CORO1C: variants seen among roughly 807,000 people sequenced by gnomAD.
CORO1C encodes the protein coronin 1C, also known as coronin-1C.
CORO1C carries 14 observed loss-of-function variants against 51.2 expected under a neutral mutation model. The ratio of observed to expected loss-of-function variants is 0.27; its 90% CI spans 0.18 to 0.43. CORO1C has a LOEUF of 0.43. Among genes scored for constraint, CORO1C ranks in the 20% least tolerant of loss-of-function variants. The pLI is 1.00. For missense variants in CORO1C, 417 were observed against 607.8 expected (o/e 0.69, Z 3.30); for synonymous variants, 181 against 210.5 (o/e 0.86, Z 1.21).
Position 108,711,671 on chromosome 12 carries a change from C to A in CORO1C, c.-5-10348G>T, listed in dbSNP as rs1342963449. Among the ~76,000 whole-genome samples the A allele has an allele frequency of 8.8e-5, 13 of 147,150 alleles. 1 individual carries two copies. The highest frequency in any genetic ancestry group is 1.9e-4 in the Non-Finnish European group (13 of 66,982). On this transcript the variant is annotated intron_variant, in intron 1 of 10. Transcript: ENST00000261401. ...CTCCAGCTTGAGTGACAGAGCAAAACTCCGTCTCAAAAAAAAAAAAAAAAA... is the reference window on the plus strand; with the variant it reads ...CTCCAGCTTGAGTGACAGAGCAAAAATCCGTCTCAAAAAAAAAAAAAAAAA...
intron 1 of CORO1C, among the ~76,000 whole-genome samples, chr12:108,719,883 A>C (rs1414592197): frequency 6.6e-6 from 1 of 152,170 alleles, no homozygotes; most frequent in Non-Finnish European, 1.5e-5. Context: ...CATTGACTCT[A>C]AAGTCAAACT....
intron 1 of CORO1C, among the ~76,000 whole-genome samples, chr12:108,721,521 A>G (rs1404624620): frequency 6.6e-6 from 1 of 152,246 alleles, no homozygotes; most frequent in Non-Finnish European, 1.5e-5. Flanking sequence ...ACTTTTACAT[A>G]ATTTAAAAGT....
intron 1 of CORO1C, among the ~76,000 whole-genome samples, chr12:108,718,669 T>C (rs374469222): frequency 5.1e-4 from 77 of 152,356 alleles, no homozygotes; most frequent in Middle Eastern, 6.8e-3. Flanking sequence ...CTTACAATCT[T>C]ACTGCACCTT....
intron 1 of CORO1C, among the ~76,000 whole-genome samples, chr12:108,708,186 T>C (rs930279191): frequency 7.2e-5 from 11 of 152,172 alleles, no homozygotes; most frequent in African/African-American, 2.7e-4. Flanking sequence ...TGAGTCTTCA[T>C]GGAAGCATTA....
Position 108,722,748 on chromosome 12 carries a change from T to C in CORO1C, c.-6+8681A>G, listed in dbSNP as rs138774818. The stretch of plus-strand genomic sequence containing the variant: ...ACACTGCCTGCCTCCAAAACAGAAA[T>C]TTCATCTGGGCTCTTGCTCATTCAC... On this transcript the variant is annotated intron_variant, in intron 1 of 10. Transcript: ENST00000261401. Among the ~76,000 whole-genome samples the C allele has an allele frequency of 8.5e-3, 1,288 of 152,264 alleles. 11 individuals carry two copies. Among genetic ancestry groups the C allele is most frequent in the Admixed American group, 0.012 (184 of 15,296 alleles).
intron 1 of CORO1C, among the ~76,000 whole-genome samples, chr12:108,712,270 A>T (rs1242210916): frequency 1.3e-5 from 2 of 152,182 alleles, no homozygotes; most frequent in East Asian, 3.8e-4. Context: ...AACAGTAAAA[A>T]ATTCCTTTTA....
chr12:108,701,295 GCT>G lies in CORO1C; in HGVS notation c.22_23del (p.Ser8GlnfsTer13). The part of the protein sequence containing the change: MRRVVRQ[S>X]KFRHVFGQAV... ...CTTGCCCAAATACATGCCGAAACTT[GCT>G]CTGTCGTACCACTCGCCTCATCGTG... On this transcript the variant is annotated frameshift_variant, in exon 2 of 11. Coordinates refer to ENST00000261401, the MANE Select transcript of CORO1C (RefSeq NM_014325.4). LOFTEE classifies it high-confidence loss of function. 1 of 1,614,162 alleles carries G rather than the reference GCT, an allele frequency of 6.2e-7. No homozygotes were observed. The highest frequency in any genetic ancestry group is 8.5e-7 in the Non-Finnish European group (1 of 1,180,032).
At chr12:108,699,239 G>A (rs1473341800) in intron 2 of CORO1C, among the ~76,000 whole-genome samples, 1 of 152,186 alleles carries the variant, frequency 6.6e-6, no homozygotes, top group Non-Finnish European at 1.5e-5. Flanking sequence ...CATAAGATCA[G>A]TTAGCTGGGG....
intron 2 of CORO1C, among the ~76,000 whole-genome samples, chr12:108,681,232 C>T (rs1355607929): frequency 6.6e-6 from 1 of 152,116 alleles, no homozygotes; most frequent in Non-Finnish European, 1.5e-5. Flanking sequence ...GTTTGACACA[C>T]ATTTAAATAG....
At chr12:108,704,664 G>A (rs1361488047) in intron 1 of CORO1C, among the ~76,000 whole-genome samples, 1 of 152,194 alleles carries the variant, frequency 6.6e-6, no homozygotes, top group East Asian at 1.9e-4. Flanking sequence ...AGCTTGAAGG[G>A]CAGTGTGAGC....
At chr12:108,657,533 G>A in intron 5 of CORO1C, 110 bp from the exon 6 acceptor site, 3 of 1,171,528 alleles carry the variant, frequency 2.6e-6, no homozygotes, top group Non-Finnish European at 3.6e-6. Flanking sequence ...GTTCACCTGG[G>A]TGTGGGAGGG....
intron 3 of CORO1C, among the ~76,000 whole-genome samples, chr12:108,671,995 T>C (rs1415618558): frequency 6.6e-6 from 1 of 152,194 alleles, no homozygotes; most frequent in Non-Finnish European, 1.5e-5. Context: ...ACTCCTGGGC[T>C]CAACCCGTCC....
At chr12:108,659,066 G>C in intron 4 of CORO1C, 147 bp from the exon 5 acceptor site, 1 of 804,538 alleles carries the variant, frequency 1.2e-6, no homozygotes, top group South Asian at 3.5e-5. Context: ...GCGGCTGATT[G>C]TCAGAGGCCC....
chr12:108,664,823 C>T (rs1401113199), intron 3 of CORO1C, among the ~76,000 whole-genome samples: 1 of 152,208 alleles, frequency 6.6e-6, no homozygotes, highest in Non-Finnish European at 1.5e-5. Flanking sequence ...GCAGGACTGA[C>T]ATTTTGAACA....
intron 2 of CORO1C, among the ~76,000 whole-genome samples, chr12:108,689,394 T>C (rs2034420139): frequency 1.3e-5 from 2 of 152,190 alleles, no homozygotes; most frequent in Admixed American, 1.3e-4. Context: ...ATAAGTCAAA[T>C]CAAATATTCC....
chr12:108,702,763 A>G, intron 1 of CORO1C: 1 of 1,481,214 alleles, frequency 6.8e-7, no homozygotes, highest in Non-Finnish European at 9.0e-7. Flanking sequence ...CTAAATGCAG[A>G]GAGACGAATT....
At chr12:108,723,394 T>C (rs1346161035) in intron 1 of CORO1C, among the ~76,000 whole-genome samples, 1 of 152,206 alleles carries the variant, frequency 6.6e-6, no homozygotes, top group African/African-American at 2.4e-5. Context: ...AGTAAGCAAA[T>C]AATGGTGATT....
chr12:108,711,455 G>A (rs2035178159), intron 1 of CORO1C, among the ~76,000 whole-genome samples: 1 of 152,056 alleles, frequency 6.6e-6, no homozygotes, highest in Non-Finnish European at 1.5e-5. Flanking sequence ...CAAGACAAGT[G>A]GATCGCCTGA....
intron 1 of CORO1C, among the ~76,000 whole-genome samples, chr12:108,719,065 G>C (rs2035410625): frequency 6.6e-6 from 1 of 152,184 alleles, no homozygotes; most frequent in Middle Eastern, 3.2e-3. Flanking sequence ...GCTGTAGCTG[G>C]TAAAACTGTA....
Sources: allele counts gnomAD v4.1 joint callset (sites outside exome capture counted in the v4.1 genomes callset), GRCh38; gene constraint gnomAD v4.1.1; transcripts MANE v1.5; gene names NCBI Gene and HGNC (gene_info 2026-07-23, HGNC 2026-07-21).